The following EIF3J variants were observed in gnomAD, a reference collection of about 807,000 sequenced individuals.
EIF3J encodes the protein eukaryotic translation initiation factor 3, subunit 1 (alpha, 35kD).
In EIF3J, 15 loss-of-function variants were observed where a neutral mutation model predicts 39.0. That is an observed-to-expected ratio of 0.38 (90% CI 0.26 to 0.59). EIF3J has a LOEUF of 0.59. Ranked by LOEUF, EIF3J falls within the 20% of genes least tolerant of loss-of-function variation. The pLI, the probability that EIF3J is intolerant of heterozygous loss-of-function variation, is 0.60. For synonymous variants in EIF3J, 98 were observed against 112.9 expected, an observed-to-expected ratio of 0.87 and a Z score of 0.84; for missense variants, 226 against 308.6, an observed-to-expected ratio of 0.73 and a Z score of 2.00.
In EIF3J at chr15:44,562,476, C is replaced by CAGAA. The variant is rs988415393; in HGVS notation, c.*1332_*1335dup. The CAGAA allele has an allele frequency of 2.0e-5, 3 of 152,336 alleles. No individual in the cohort carries two copies. Among genetic ancestry groups the CAGAA allele is most frequent in the Admixed American group, 6.6e-5 (1 of 15,234 alleles). 9.4% of individuals were successfully genotyped at this position (152,336 alleles called of 1,614,324 possible). On this transcript the variant is annotated 3_prime_UTR_variant, in exon 8 of 8. Coordinates refer to ENST00000261868, the MANE Select transcript of EIF3J (RefSeq NM_003758.4). ...TTAGTGTTTTTTTATTCCCCTAAGA[C>CAGAA]AGAAAGAACAAAAAATGTTTTAAAT... is the stretch of plus-strand genomic sequence containing the variant.
intron 5 of EIF3J, among the ~76,000 whole-genome samples, chr15:44,555,179 T>C (rs747296079): frequency 5.9e-5 from 9 of 152,172 alleles, no homozygotes; most frequent in Non-Finnish European, 1.0e-4. Context: ...TCTGCAGCTG[T>C]GGTTAGTGCG....
intron 2 of EIF3J, among the ~76,000 whole-genome samples, chr15:44,538,253 C>T (rs1778064843): frequency 2.0e-5 from 3 of 148,308 alleles, no homozygotes; most frequent in African/African-American, 7.4e-5. Flanking sequence ...CCGAAGGGTT[C>T]ATTATACAGC....
At chr15:44,548,831 T>C (rs1200869232) in intron 2 of EIF3J, among the ~76,000 whole-genome samples, 1 of 152,130 alleles carries the variant, frequency 6.6e-6, no homozygotes, top group Non-Finnish European at 1.5e-5. Flanking sequence ...AGACCCTACT[T>C]CTCAACACTG....
At chr15:44,560,720 G>T in intron 7 of EIF3J, 2 of 357,558 alleles carry the variant, frequency 5.6e-6, no homozygotes, top group South Asian at 1.1e-4. Context: ...AAATTGGGGG[G>T]TACTTATCCA....
At chr15:44,555,630 GCTGC>G (rs1162601338) in intron 5 of EIF3J, among the ~76,000 whole-genome samples, 1 of 152,172 alleles carries the variant, frequency 6.6e-6, no homozygotes, top group East Asian at 1.9e-4. Flanking sequence ...GATGGTAAAA[GCTGC>G]CCATGTGTTT....
intron 2 of EIF3J, among the ~76,000 whole-genome samples, chr15:44,546,506 C>G (rs1046529898): frequency 1.2e-4 from 18 of 152,110 alleles, no homozygotes; most frequent in African/African-American, 4.3e-4. Context: ...AAACCAGAAG[C>G]TTGGTGTCAT....
rs1311625567 is a variant in EIF3J at position 44,537,311 on chromosome 15, C to T, written c.44-13C>T. On this transcript the variant is annotated splice_polypyrimidine_tract_variant and intron_variant, in intron 1 of 7. Transcript: ENST00000261868. ...CAGTGGCAGGCACTAACACGGCTCG[C>T]TTTCTTCCGTAGACGCCGACGCTTT... is the stretch of plus-strand genomic sequence containing the variant. 6 of 1,561,098 alleles carry T rather than the reference C, an allele frequency of 3.8e-6. No homozygotes were observed. The highest frequency in any genetic ancestry group is 4.8e-5 in the East Asian group (2 of 41,566).
intron 5 of EIF3J, 109 bp downstream of exon 5, chr15:44,554,776 A>G (rs2082131274): frequency 1.7e-6 from 1 of 572,396 alleles, no homozygotes; most frequent in Non-Finnish European, 2.9e-6. Context: ...GCTAATGTAG[A>G]TATTAGAAAG....
chr15:44,543,637 C>A (rs966586856), intron 2 of EIF3J, among the ~76,000 whole-genome samples: 1 of 152,128 alleles, frequency 6.6e-6, no homozygotes, highest in Non-Finnish European at 1.5e-5. Context: ...TGGTCTCGAT[C>A]TCTTGACCTC....
At chr15:44,544,955 G>C (rs1390978533) in intron 2 of EIF3J, among the ~76,000 whole-genome samples, 3 of 151,204 alleles carry the variant, frequency 2.0e-5, no homozygotes, top group African/African-American at 7.3e-5. Flanking sequence ...AGTGAGCTGA[G>C]ATTGCGCCAC....
chr15:44,541,509 C>A (rs1014589004), intron 2 of EIF3J, among the ~76,000 whole-genome samples: 2 of 152,184 alleles, frequency 1.3e-5, no homozygotes, highest in Admixed American at 6.5e-5. Context: ...AAGACCCCAA[C>A]ACATTTAAAG....
At chr15:44,539,222 C>T (rs915790171) in intron 2 of EIF3J, among the ~76,000 whole-genome samples, 4 of 151,324 alleles carry the variant, frequency 2.6e-5, no homozygotes, top group East Asian at 1.9e-4. Flanking sequence ...GACGGGGTTT[C>T]GCCATGTTGC....
rs1209288975 is a variant in EIF3J at position 44,559,727 on chromosome 15, G to A, written c.572-522G>A. On this transcript the variant is annotated intron_variant, in intron 6 of 7. Transcript: ENST00000261868. The stretch of plus-strand genomic sequence containing the variant: ...ATCTCAAAAAAAAAAAAAAATAATA[G>A]TAATTGTCATTTCATGTTTATTTGT... Among the ~76,000 whole-genome samples, 3 of 151,482 alleles carry A rather than the reference G, an allele frequency of 2.0e-5. No individual in the cohort carries two copies. The East Asian group carries it at 5.8e-4, about 29-fold the overall frequency.
rs1440165722 is a variant in EIF3J, at chr15:44,562,292, A to ATTATT, written c.*1146_*1150dup. ...GCCTTCCTCTTATTTATTTGGGGAC[A>ATTATT]TTATTTTGTTATTTAGATACCAAGG... On this transcript the variant is annotated 3_prime_UTR_variant, in exon 8 of 8. Coordinates refer to ENST00000261868, the MANE Select transcript of EIF3J (RefSeq NM_003758.4). 1 of 152,606 alleles carries ATTATT rather than the reference A, an allele frequency of 6.6e-6. No homozygotes were observed. Among genetic ancestry groups the ATTATT allele is most frequent in the African/African-American group, 2.4e-5 (1 of 41,456 alleles). The allele number at this position is 152,606 out of a possible 1,614,324, so 9.5% of individuals were successfully genotyped here. A position where few individuals can be genotyped will look rare whatever the true frequency, so the allele number is the denominator to read the frequency against.
chr15:44,552,553 A>ATTTCT (rs954849802), intron 4 of EIF3J, among the ~76,000 whole-genome samples: 3 of 143,812 alleles, frequency 2.1e-5, no homozygotes, highest in African/African-American at 7.9e-5. Flanking sequence ...CCTATTTTCT[A>ATTTCT]TTTCTTTTCT....
chr15:44,561,255 C>G lies in EIF3J; in HGVS notation c.*106C>G, dbSNP rs576114297. Reference sequence around the variant, plus strand: ...CTGCCAAATGCTACAATCAGAAGTGCAGTATCTTTTGTGCTGGTTATTTAA... The same window carrying G: ...CTGCCAAATGCTACAATCAGAAGTGGAGTATCTTTTGTGCTGGTTATTTAA... On this transcript the variant is annotated 3_prime_UTR_variant, in exon 8 of 8. Coordinates refer to ENST00000261868, the MANE Select transcript of EIF3J (RefSeq NM_003758.4). 3.7e-5 allele frequency: 50 copies of G among 1,353,270 alleles called. No homozygotes were observed. The South Asian group carries it at 6.9e-4, about 19-fold the overall frequency. 83.8% of individuals were successfully genotyped at this position (1,353,270 alleles called of 1,614,324 possible).
intron 4 of EIF3J, among the ~76,000 whole-genome samples, chr15:44,554,076 G>A (rs1225510256): frequency 6.6e-6 from 1 of 151,996 alleles, no homozygotes; most frequent in Non-Finnish European, 1.5e-5. Context: ...TTAAAATTGG[G>A]TTAAGGATAC....
rs3837718 is a variant in EIF3J, at chr15:44,555,153, ATTTC to A, written c.409+490_409+493del. The stretch of plus-strand genomic sequence containing the variant: ...CATGCCCTATCTTTAGAGGGCCTCC[ATTTC>A]TTTGTGCGGTGTCTGCAGCTGTGGT... On this transcript the variant is annotated intron_variant, in intron 5 of 7. Coordinates refer to ENST00000261868, the MANE Select transcript of EIF3J (RefSeq NM_003758.4). Among the ~76,000 whole-genome samples, 156 of 152,122 alleles carry A rather than the reference ATTTC, an allele frequency of 1.0e-3. 3 individuals carry two copies. The East Asian group carries it at 0.021, about 21-fold the overall frequency.
chr15:44,559,725 T>A (rs2082176015), intron 6 of EIF3J, among the ~76,000 whole-genome samples: 1 of 150,728 alleles, frequency 6.6e-6, no homozygotes, highest in South Asian at 2.1e-4. Context: ...AAAAAAATAA[T>A]AGTAATTGTC....
Sources: allele counts gnomAD v4.1 joint callset (sites outside exome capture counted in the v4.1 genomes callset), GRCh38; gene constraint gnomAD v4.1.1; transcripts MANE v1.5; gene names NCBI Gene and HGNC (gene_info 2026-07-23, HGNC 2026-07-21).